The following TMEM117 variants were observed in gnomAD, a reference collection of about 807,000 sequenced individuals.
TMEM117 encodes transmembrane protein 117.
A neutral mutation model predicts 52.4 loss-of-function variants in TMEM117; 27 were observed. The observed-to-expected ratio is 0.51, with a 90% confidence interval of 0.38 to 0.71. The LOEUF (loss-of-function observed/expected upper bound fraction) is 0.71, where lower values mean the gene tolerates loss of function less well. TMEM117 is among the 30% of genes least tolerant of loss of function. TMEM117 has a pLI of 0.00. For synonymous variants in TMEM117, 215 were observed against 206.3 expected (o/e 1.04, Z -0.36); for missense variants, 556 against 630.5 (o/e 0.88, Z 1.26).
chr12:43,947,008 A>G (rs140199638), intron 3 of TMEM117, among the ~76,000 whole-genome samples: 172 of 152,302 alleles, frequency 1.1e-3, no homozygotes, highest in African/African-American at 4.0e-3. Context: ...GAAAAATTCA[A>G]AGCAAGGGAC....
In TMEM117 at chr12:43,948,496, G is replaced by A. The variant is rs547368188; in HGVS notation, c.410+4154G>A. On this transcript the variant is annotated intron_variant, in intron 3 of 7. Coordinates refer to ENST00000266534, the MANE Select transcript of TMEM117 (RefSeq NM_032256.3). ...AATTTTTTGTATTTTTAATAGAGAC[G>A]GGGTTTCACCGTATTAGCCAGGATG... Among the ~76,000 whole-genome samples the A allele has an allele frequency of 1.2e-3, 183 of 151,932 alleles. 2 individuals carry two copies. The highest frequency in any genetic ancestry group is 1.0e-3 in the Non-Finnish European group (68 of 67,984).
chr12:44,316,052 AT>A (rs1364195208), intron 6 of TMEM117, among the ~76,000 whole-genome samples: 1 of 152,152 alleles, frequency 6.6e-6, no homozygotes, highest in African/African-American at 2.4e-5. Context: ...TTAGTGAAGC[AT>A]TTAGACTATT....
At chr12:44,006,375 G>C (rs1021488864) in intron 3 of TMEM117, among the ~76,000 whole-genome samples, 2 of 152,178 alleles carry the variant, frequency 1.3e-5, no homozygotes, top group African/African-American at 4.8e-5. Context: ...AGACATTGTG[G>C]TAGTGGGTAC....
At chr12:44,149,118 G>A (rs1038318609) in intron 4 of TMEM117, among the ~76,000 whole-genome samples, 4 of 152,160 alleles carry the variant, frequency 2.6e-5, no homozygotes, top group Non-Finnish European at 5.9e-5. Flanking sequence ...ATTCTTGAGT[G>A]TAAATGGCAA....
At chr12:44,078,314 A>G (rs1592497147) in intron 3 of TMEM117, among the ~76,000 whole-genome samples, 1 of 152,366 alleles carries the variant, frequency 6.6e-6, no homozygotes, top group East Asian at 1.9e-4. Flanking sequence ...GGAGTTAACA[A>G]TAAAACCATA....
intron 3 of TMEM117, among the ~76,000 whole-genome samples, chr12:43,996,170 T>G (rs73087608): frequency 0.04 from 6,152 of 152,234 alleles, 201 homozygotes; most frequent in African/African-American, 0.09. Context: ...AAAATGAAAG[T>G]TATTCATGAT....
In TMEM117 at chr12:43,997,046, G is replaced by A. The variant is rs185898454; in HGVS notation, c.410+52704G>A. The stretch of plus-strand genomic sequence containing the variant: ...AAGCCAGTAGATTCTTTTTGTTGAC[G>A]CTAGTTTGAGTTGGATTTCTGTGGC... On this transcript the variant is annotated intron_variant, in intron 3 of 7. Transcript: ENST00000266534. Among the ~76,000 whole-genome samples the A allele has an allele frequency of 3.3e-3, 507 of 152,256 alleles. 2 individuals carry two copies. Among genetic ancestry groups the A allele is most frequent in the Middle Eastern group, 0.027 (8 of 294 alleles).
chr12:43,832,130 C>A (rs963490001), upstream of TMEM117, among the ~76,000 whole-genome samples: 10 of 152,096 alleles, frequency 6.6e-5, no homozygotes, highest in Non-Finnish European at 1.5e-5. Flanking sequence ...ATCTTGGTTT[C>A]TTTTTGGAAC....
At chr12:44,045,311 C>A (rs1017754480) in intron 3 of TMEM117, among the ~76,000 whole-genome samples, 3 of 152,160 alleles carry the variant, frequency 2.0e-5, no homozygotes, top group Non-Finnish European at 2.9e-5. Context: ...TGATATGGCA[C>A]CATTCTTCGG....
At chr12:44,305,484 T>C (rs1295541536) in intron 6 of TMEM117, among the ~76,000 whole-genome samples, 1 of 149,404 alleles carries the variant, frequency 6.7e-6, no homozygotes, top group African/African-American at 2.5e-5. Context: ...CATCTAAAAT[T>C]GGGCAAAAGA....
chr12:44,275,300 A>G (rs1472576445), intron 5 of TMEM117, among the ~76,000 whole-genome samples: 1 of 152,000 alleles, frequency 6.6e-6, no homozygotes, highest in Non-Finnish European at 1.5e-5. Context: ...AGACAATAAC[A>G]AATAATGAAG....
At chr12:44,336,325 A>G (rs1328308269) in intron 6 of TMEM117, among the ~76,000 whole-genome samples, 1 of 152,028 alleles carries the variant, frequency 6.6e-6, no homozygotes, top group African/African-American at 2.4e-5. Flanking sequence ...GAAAATAAAA[A>G]AGAAGTGAAT....
intron 5 of TMEM117, among the ~76,000 whole-genome samples, chr12:44,290,887 C>T (rs931106958): frequency 6.6e-6 from 1 of 152,186 alleles, no homozygotes; most frequent in Non-Finnish European, 1.5e-5. Flanking sequence ...GATCCTCCTA[C>T]CTTGGTCTCC....
intron 6 of TMEM117, among the ~76,000 whole-genome samples, chr12:44,328,216 A>C (rs896704830): frequency 6.6e-6 from 1 of 152,208 alleles, no homozygotes; most frequent in Non-Finnish European, 1.5e-5. Flanking sequence ...GTTCTAAAAC[A>C]GTGCATAACC....
intron 3 of TMEM117, among the ~76,000 whole-genome samples, chr12:43,952,443 A>C (rs953659584): frequency 6.6e-6 from 1 of 152,100 alleles, no homozygotes; most frequent in African/African-American, 2.4e-5. Flanking sequence ...GTAGAGGAAC[A>C]TAAATGACCT....
chr12:44,097,416 G>A (rs941507872), intron 3 of TMEM117, among the ~76,000 whole-genome samples: 157 of 152,082 alleles, frequency 1.0e-3, no homozygotes, highest in African/African-American at 3.2e-3. Flanking sequence ...ACATGCACAC[G>A]TATGTTTATT....
At chr12:43,829,918 T>C in the TMEM117 span, among the ~76,000 whole-genome samples, 1 of 151,646 alleles carries the variant, frequency 6.6e-6, no homozygotes, top group Admixed American at 6.6e-5. Context: ...TGAAACCCCG[T>C]CTCTACCAAA....
At chr12:44,330,852 A>G (rs1213075799) in intron 6 of TMEM117, among the ~76,000 whole-genome samples, 1 of 152,134 alleles carries the variant, frequency 6.6e-6, no homozygotes, top group East Asian at 1.9e-4. Context: ...ACATGGAAGG[A>G]AACCTCCTTC....
chr12:44,047,311 C>T (rs540581521), intron 3 of TMEM117, among the ~76,000 whole-genome samples: 1 of 152,132 alleles, frequency 6.6e-6, no homozygotes, highest in Admixed American at 6.5e-5. Context: ...GCTCATAATC[C>T]ATGGGATTTT....
Sources: gnomAD v4.1 joint callset for allele counts (sites outside exome capture counted in the v4.1 genomes callset) on GRCh38, gnomAD v4.1.1 for gene constraint, MANE v1.5 for transcripts, NCBI Gene and HGNC (gene_info 2026-07-23, HGNC 2026-07-21) for gene names.